Variants in IFT74 observed in about 807,000 individuals in gnomAD.
IFT74 encodes intraflagellar transport protein 74 homolog.
Under a neutral mutation model 96.7 loss-of-function variants are expected in IFT74, and 92 were observed. That is an observed-to-expected ratio of 0.95 (90% CI 0.80 to 1.13). The LOEUF is 1.13. IFT74 is among the 50% of genes most tolerant of loss of function. IFT74 has a pLI of 0.00. For missense variants in IFT74, 811 were observed against 698.2 expected, an observed-to-expected ratio of 1.16 and a Z score of -1.82; for synonymous variants, 223 against 213.2, an observed-to-expected ratio of 1.05 and a Z score of -0.40.
rs56131867 is a variant in IFT74 at position 27,056,858 on chromosome 9, GGATAGATAGATAGATA to G, written c.1623+432_1623+447del. Reference sequence around the variant, plus strand: ...TTTAGTGTGGGTTCTTTTAGTCAATGGATAGATAGATAGATAGATAGATAGATAGATAGATAGATAG... The same window carrying G: ...TTTAGTGTGGGTTCTTTTAGTCAATGGATAGATAGATAGATAGATAGATAG... On this transcript the variant is annotated intron_variant, in intron 18 of 19. Coordinates refer to ENST00000380062, the MANE Select transcript of IFT74 (RefSeq NM_025103.4). Among the ~76,000 whole-genome samples the G allele has an allele frequency of 5.3e-3, 762 of 144,684 alleles. 9 individuals carry two copies. The highest frequency in any genetic ancestry group is 0.038 in the South Asian group (165 of 4,340). 94.9% of individuals were successfully genotyped at this position (144,684 alleles called of 152,430 possible).
chr9:26,947,649 G>A (rs977803622), intron 1 of IFT74, among the ~76,000 whole-genome samples: 5 of 152,160 alleles, frequency 3.3e-5, no homozygotes, highest in African/African-American at 9.7e-5. Context: ...TGAGAATCTC[G>A]AGGTTTTTGC....
chr9:26,975,451 A>T (rs1827075298), intron 2 of IFT74, among the ~76,000 whole-genome samples: 1 of 152,226 alleles, frequency 6.6e-6, no homozygotes, highest in Admixed American at 6.5e-5. Flanking sequence ...ATGGGCCTTC[A>T]GTCCAAATAA....
chr9:27,043,587 C>T (rs1587405863), intron 13 of IFT74, among the ~76,000 whole-genome samples: 1 of 152,188 alleles, frequency 6.6e-6, no homozygotes, highest in South Asian at 2.1e-4. Context: ...TTTTTCTAGG[C>T]CTTGGATTTT....
At chr9:26,966,318 A>G (rs1030197824) in intron 2 of IFT74, among the ~76,000 whole-genome samples, 1 of 151,786 alleles carries the variant, frequency 6.6e-6, no homozygotes, top group Non-Finnish European at 1.5e-5. Flanking sequence ...CCTTTTCTTT[A>G]TATATTTGTC....
intron 12 of IFT74, among the ~76,000 whole-genome samples, chr9:27,019,670 T>C (rs1453548394): frequency 2.0e-5 from 3 of 152,008 alleles, no homozygotes; most frequent in Non-Finnish European, 4.4e-5. Flanking sequence ...ATATTTTATT[T>C]ATTTATCAAT....
chr9:26,954,367 G>C (rs933460743), upstream of IFT74, among the ~76,000 whole-genome samples: 8 of 152,160 alleles, frequency 5.3e-5, no homozygotes, highest in African/African-American at 1.9e-4. Flanking sequence ...ACTTTAACCA[G>C]TCAAATAATT....
At chr9:27,005,127 T>C (rs1433090607) in intron 8 of IFT74, among the ~76,000 whole-genome samples, 1 of 152,066 alleles carries the variant, frequency 6.6e-6, no homozygotes, top group Non-Finnish European at 1.5e-5. Flanking sequence ...AACTATTGTG[T>C]AGATTTTTTT....
chr9:26,997,792 T>C (rs201834091), intron 8 of IFT74: 2 of 1,614,004 alleles, frequency 1.2e-6, no homozygotes, highest in East Asian at 2.2e-5. Context: ...AGCAGTTCCA[T>C]AGGTTTCCAT....
chr9:27,010,485 G>GTTTTTTT (rs375246441), intron 9 of IFT74, among the ~76,000 whole-genome samples: 3 of 128,118 alleles, frequency 2.3e-5, no homozygotes, highest in Non-Finnish European at 1.6e-5. Context: ...CCTTTTTTTT[G>GTTTTTTT]TTTTTTTTTT....
At position 26,976,780 on chromosome 9, in the gene IFT74, C is replaced by A. The variant is rs1378887298; in HGVS notation, c.121-1348C>A. 1.5e-5 allele frequency: 7 copies of A among 455,806 alleles called. No individual in the cohort carries two copies. The East Asian group carries it at 4.2e-4, about 27-fold the overall frequency. 28.2% of individuals were successfully genotyped at this position (455,806 alleles called of 1,614,324 possible). ...CTCACATCTTTTATATCTTCTCATG[C>A]CTGTATGTATTATATGAACTGACAT... On this transcript the variant is annotated intron_variant, in intron 2 of 19. Transcript: ENST00000380062.
chr9:27,034,719 G>T (rs1452158767), intron 13 of IFT74, among the ~76,000 whole-genome samples: 1 of 152,078 alleles, frequency 6.6e-6, no homozygotes, highest in Non-Finnish European at 1.5e-5. Flanking sequence ...TAGTAGAGAT[G>T]GGGTTTCTCC....
chr9:27,035,624 C>T (rs1485239471), intron 13 of IFT74, among the ~76,000 whole-genome samples: 5 of 152,110 alleles, frequency 3.3e-5, no homozygotes, highest in Non-Finnish European at 7.4e-5. Flanking sequence ...CCACTACTTT[C>T]GAAAATGATT....
Position 27,063,389 on chromosome 9 carries a change from A to G in IFT74, c.*653A>G, listed in dbSNP as rs1398250700. On this transcript the variant is annotated 3_prime_UTR_variant, in exon 20 of 20. Transcript: ENST00000380062. The stretch of plus-strand genomic sequence containing the variant: ...CATTTATAGTGGGCTGTTTTGGACT[A>G]TGGCTACTGCTGTTCATTGCCACCC... 6.6e-6 allele frequency among the ~76,000 whole-genome samples: 1 copy of G among 152,148 alleles called. No individual in the cohort carries two copies. Among genetic ancestry groups the G allele is most frequent in the Non-Finnish European group, 1.5e-5 (1 of 67,986 alleles).
chr9:27,012,862 A>G (rs908141219), intron 10 of IFT74, among the ~76,000 whole-genome samples: 1 of 150,462 alleles, frequency 6.6e-6, no homozygotes, highest in Non-Finnish European at 1.5e-5. Context: ...GACTACAGGC[A>G]CCCGCCACCA....
At chr9:27,044,118 A>C (rs1457856491) in intron 13 of IFT74, among the ~76,000 whole-genome samples, 1 of 152,076 alleles carries the variant, frequency 6.6e-6, no homozygotes, top group East Asian at 1.9e-4. Flanking sequence ...CCACTCCCTC[A>C]GTTCTTTATG....
upstream of IFT74, among the ~76,000 whole-genome samples, chr9:26,953,726 G>A (rs185952185): frequency 1.5e-4 from 21 of 140,242 alleles, no homozygotes; most frequent in Non-Finnish European, 2.5e-4. Flanking sequence ...GCCCAGGCCA[G>A]TCTTGAACTC....
At chr9:27,032,162 G>T (rs561598380) in intron 13 of IFT74, among the ~76,000 whole-genome samples, 37 of 152,308 alleles carry the variant, frequency 2.4e-4, no homozygotes, top group Non-Finnish European at 4.9e-4. Context: ...AATCAGGGTA[G>T]TTCTCAGCTT....
At position 27,018,686 on chromosome 9, in the gene IFT74, C is replaced by A; in HGVS notation, c.973C>A (p.Gln325Lys). ...TCAGGAAATAGCCAGCATGGAAAGA[C>A]AGTAAGTATCTTTATACTAGGACAT... ...DNQEIASMERQLTDTKEKINQ... is the reference protein window; with the variant it reads ...DNQEIASMERKLTDTKEKINQ... Residue 325 changes from glutamine (Q) to lysine (K), a missense_variant and splice_region_variant, in exon 12 of 20, where the codon CAG becomes AAG. Transcript: ENST00000380062. 6.5e-7 allele frequency: 1 copy of A among 1,531,152 alleles called. No individual in the cohort carries two copies. The highest frequency in any genetic ancestry group is 1.4e-5 in the African/African-American group (1 of 73,370). 94.8% of individuals were successfully genotyped at this position (1,531,152 alleles called of 1,614,324 possible).
rs1331532854 is a variant in IFT74 at position 27,065,963 on chromosome 9, A to G, written c.*3227A>G. 6.6e-6 allele frequency among the ~76,000 whole-genome samples: 1 copy of G among 152,230 alleles called. No individual in the cohort carries two copies. The highest frequency in any genetic ancestry group is 1.5e-5 in the Non-Finnish European group (1 of 68,040). On this transcript the variant is annotated 3_prime_UTR_variant, in exon 20 of 20. Transcript: ENST00000380062. ...AAACATTTTTAAAAAGGCAATTTTT[A>G]ATACAAAGGTAGATAATTTAGGAAG...
Sources: allele counts gnomAD v4.1 joint callset (sites outside exome capture counted in the v4.1 genomes callset), GRCh38; gene constraint gnomAD v4.1.1; transcripts MANE v1.5; gene names NCBI Gene and HGNC (gene_info 2026-07-23, HGNC 2026-07-21).